ATF7IP2: variants seen among roughly 807,000 people sequenced by gnomAD.
The protein encoded by ATF7IP2 is activating transcription factor 7-interacting protein 2.
ATF7IP2 carries 42 observed loss-of-function variants against 64.2 expected under a neutral mutation model. The ratio of observed to expected loss-of-function variants is 0.65; its 90% CI spans 0.51 to 0.85. The LOEUF is 0.85. Among genes scored for constraint, ATF7IP2 ranks in the 40% least tolerant of loss-of-function variants. The pLI is 0.00. For synonymous variants in ATF7IP2, 308 were observed against 272.8 expected, an observed-to-expected ratio of 1.13 and a Z score of -1.27; for missense variants, 933 against 784.2, an observed-to-expected ratio of 1.19 and a Z score of -2.27.
chr16:10,430,803 G>A lies in ATF7IP2; in HGVS notation c.183G>A (p.Thr61=), dbSNP rs1304030898. The A allele has an allele frequency of 4.7e-6, 6 of 1,273,526 alleles. No individual in the cohort carries two copies. The highest frequency in any genetic ancestry group is 2.6e-5 in the South Asian group (2 of 78,196). 78.9% of individuals were successfully genotyped at this position (1,273,526 alleles called of 1,614,324 possible). Residue 61 remains threonine (T), a synonymous_variant, in exon 5 of 14, where the codon ACG becomes ACA. Transcript: ENST00000562102. ...TCAGTCCTAGTGTCATAACTAGGAC[G>A]ACTGAAATAACCAAATGTAGCCCTT... The part of the protein sequence containing the change: ...QSFSPSVITR[T]TEITKCSPSE...
chr16:10,449,702 CTTT>C (rs1299782575), intron 8 of ATF7IP2: 12 of 152,010 alleles, frequency 7.9e-5, no homozygotes, highest in African/African-American at 2.7e-4. Context: ...GTCTTTTCTT[CTTT>C]ATTAGTCAGG....
Position 10,481,862 on chromosome 16 carries a change from A to G in ATF7IP2, c.1662A>G (p.Pro554=). Residue 554 remains proline, a synonymous_variant, in exon 14 of 14, where the codon CCA becomes CCG. Coordinates refer to ENST00000562102, the MANE Select transcript of ATF7IP2 (RefSeq NM_001393719.1). The part of the protein sequence containing the change: ...VQVPESFEHL[P]PLPEPPAPLP... ...TTCCTGAGTCCTTTGAGCACCTGCC[A>G]CCTCTCCCAGAACCACCAGCACCAC... is the stretch of plus-strand genomic sequence containing the variant. 1 of 1,599,304 alleles carries G rather than the reference A, an allele frequency of 6.3e-7. No individual in the cohort carries two copies. The highest frequency in any genetic ancestry group is 1.8e-5 in the Admixed American group (1 of 55,786).
intron 12 of ATF7IP2, among the ~76,000 whole-genome samples, chr16:10,480,191 T>TACA (rs548021333): frequency 7.0e-4 from 107 of 152,030 alleles, no homozygotes; most frequent in Admixed American, 4.3e-3. Context: ...TCTACCATGT[T>TACA]GCCCAGGCTG....
chr16:10,460,666 T>A (rs969254444), intron 9 of ATF7IP2, among the ~76,000 whole-genome samples: 3 of 152,138 alleles, frequency 2.0e-5, no homozygotes, highest in African/African-American at 7.2e-5. Flanking sequence ...GGGGGAAATA[T>A]GAAATTGGAC....
At chr16:10,447,213 G>T (rs1212023223) in intron 8 of ATF7IP2, 7 of 152,284 alleles carry the variant, frequency 4.6e-5, no homozygotes, top group Non-Finnish European at 8.8e-5. Context: ...CACCCCAGCG[G>T]CTTTTCTTAC....
chr16:10,444,922 C>T (rs1224752384), intron 8 of ATF7IP2, among the ~76,000 whole-genome samples: 1 of 152,182 alleles, frequency 6.6e-6, no homozygotes, highest in Non-Finnish European at 1.5e-5. Flanking sequence ...ATAGCTTCTA[C>T]CCAGTGAGTG....
At chr16:10,420,694 A>G (rs1334272072) in intron 3 of ATF7IP2, among the ~76,000 whole-genome samples, 1 of 152,222 alleles carries the variant, frequency 6.6e-6, no homozygotes, top group Non-Finnish European at 1.5e-5. Context: ...GAAAATAATC[A>G]GTTGTTCATC....
In ATF7IP2 at chr16:10,438,170, T is replaced by C. The variant is rs1301702331; in HGVS notation, c.1030T>C (p.Leu344=). ...ACTATTTGATAAGAAACTGAAAGAA[T>C]TGAACCAACGCATTGGGAAGACAGA... ...YELFDKKLKE[L]NQRIGKTECR... is the part of the protein sequence containing the mutation. The change falls in exon 7 of 14, where the codon TTG becomes CTG. Residue 344 remains leucine (L), a synonymous_variant. Coordinates refer to ENST00000562102, the MANE Select transcript of ATF7IP2 (RefSeq NM_001393719.1). 2 of 1,606,044 alleles carry C rather than the reference T, an allele frequency of 1.2e-6. No homozygotes were observed. The highest frequency in any genetic ancestry group is 1.7e-4 in the Middle Eastern group (1 of 6,046).
chr16:10,474,599 G>T (rs1010837665), intron 12 of ATF7IP2, among the ~76,000 whole-genome samples: 1 of 152,156 alleles, frequency 6.6e-6, no homozygotes, highest in Non-Finnish European at 1.5e-5. Context: ...TAAGGAAAAA[G>T]AAGTGAAATA....
At chr16:10,388,683 CT>C (rs1567418275) in intron 1 of ATF7IP2, among the ~76,000 whole-genome samples, 1 of 152,126 alleles carries the variant, frequency 6.6e-6, no homozygotes, top group African/African-American at 2.4e-5. Flanking sequence ...AGCATTAAAA[CT>C]ACTGTAAGAA....
intron 2 of ATF7IP2, among the ~76,000 whole-genome samples, chr16:10,418,599 T>TA (rs1264054010): frequency 6.6e-6 from 1 of 152,252 alleles, no homozygotes; most frequent in African/African-American, 2.4e-5. Context: ...AATGGGTTAA[T>TA]AGCTGCTAAT....
At chr16:10,452,247 C>G (rs999073965) in intron 8 of ATF7IP2, among the ~76,000 whole-genome samples, 1 of 152,182 alleles carries the variant, frequency 6.6e-6, no homozygotes, top group African/African-American at 2.4e-5. Flanking sequence ...TTCTCCCCAT[C>G]TTTGTGGATT....
Position 10,482,703 on chromosome 16 carries a change from T to G in ATF7IP2, c.*454T>G, listed in dbSNP as rs945907440. The G allele has an allele frequency of 6.5e-6, 1 of 152,982 alleles. No individual in the cohort carries two copies. The highest frequency in any genetic ancestry group is 1.5e-5 in the Non-Finnish European group (1 of 68,360). 9.5% of individuals were successfully genotyped at this position (152,982 alleles called of 1,614,324 possible). A position where few individuals can be genotyped will look rare whatever the true frequency, so the allele number is the denominator to read the frequency against. ...TTTATGAAAAGATGACATGTTGGGC[T>G]GCATGATAAAAGTTAATTATAAAAA... is the stretch of plus-strand genomic sequence containing the variant. On this transcript the variant is annotated 3_prime_UTR_variant, in exon 14 of 14. Coordinates refer to ENST00000562102, the MANE Select transcript of ATF7IP2 (RefSeq NM_001393719.1).
At chr16:10,395,826 G>A (rs745802618) in intron 1 of ATF7IP2, among the ~76,000 whole-genome samples, 1 of 152,138 alleles carries the variant, frequency 6.6e-6, no homozygotes, top group Non-Finnish European at 1.5e-5. Context: ...CATCATAGTG[G>A]AGGATTGGAG....
At chr16:10,409,071 T>G (rs1242846799) in intron 1 of ATF7IP2, among the ~76,000 whole-genome samples, 1 of 152,220 alleles carries the variant, frequency 6.6e-6, no homozygotes, top group Non-Finnish European at 1.5e-5. Flanking sequence ...GAGAAAGGGT[T>G]ATTCCTAATG....
chr16:10,424,479 T>G (rs1239234863), intron 3 of ATF7IP2, among the ~76,000 whole-genome samples: 1 of 152,240 alleles, frequency 6.6e-6, no homozygotes, highest in African/African-American at 2.4e-5. Flanking sequence ...AATGTGTTTT[T>G]AAATCTTTAG....
At chr16:10,422,677 T>C (rs1348363275) in intron 3 of ATF7IP2, among the ~76,000 whole-genome samples, 1 of 109,290 alleles carries the variant, frequency 9.1e-6, no homozygotes, top group African/African-American at 4.1e-5. Context: ...ACCAAACTTT[T>C]AAATTTCTTT....
intron 9 of ATF7IP2, among the ~76,000 whole-genome samples, chr16:10,466,116 T>C (rs73497892): frequency 0.038 from 5,814 of 152,258 alleles, 349 homozygotes; most frequent in African/African-American, 0.13. Context: ...TCATACTCAG[T>C]GAGCTCTTTT....
chr16:10,470,847 A>G lies in ATF7IP2; in HGVS notation c.1353-1263A>G, dbSNP rs200440110. ...TGTATATATATATATATGTGTGTGT[A>G]TATATATGTGTGTGTGTGTGTGTGT... is the stretch of plus-strand genomic sequence containing the variant. On this transcript the variant is annotated intron_variant, in intron 9 of 13. Coordinates refer to ENST00000562102, the MANE Select transcript of ATF7IP2 (RefSeq NM_001393719.1). Among the ~76,000 whole-genome samples, 357 of 127,194 alleles carry G rather than the reference A, an allele frequency of 2.8e-3. 4 individuals are homozygous for G. Among genetic ancestry groups the G allele is most frequent in the African/African-American group, 0.013 (332 of 24,778 alleles). 83.4% of individuals were successfully genotyped at this position (127,194 alleles called of 152,430 possible).
Sources: allele counts gnomAD v4.1 joint callset (sites outside exome capture counted in the v4.1 genomes callset), GRCh38; gene constraint gnomAD v4.1.1; transcripts MANE v1.5; gene names NCBI Gene and HGNC (gene_info 2026-07-23, HGNC 2026-07-21).